Variants in MYH7B observed in about 807,000 individuals in gnomAD.
MYH7B encodes the protein myosin-7B.
A neutral mutation model predicts 234.5 loss-of-function variants in MYH7B; 205 were observed. That is an observed-to-expected ratio of 0.87 (90% CI 0.78 to 0.98). The LOEUF is 0.98. Ranked by LOEUF, MYH7B falls within the 50% of genes least tolerant of loss-of-function variation. The pLI, the probability that MYH7B is intolerant of heterozygous loss-of-function variation, is 0.00. For synonymous variants in MYH7B, 1,193 were observed against 1,105.0 expected (o/e 1.08, Z -1.58); for missense variants, 2,652 against 2,633.4 (o/e 1.01, Z -0.15).
In MYH7B at chr20:35,001,960, A is replaced by AAC; in HGVS notation, c.5692_5693dup (p.Asn1899ProfsTer63). 1.2e-6 allele frequency: 2 copies of AAC among 1,613,346 alleles called. No homozygotes were observed. Among genetic ancestry groups the AAC allele is most frequent in the Non-Finnish European group, 1.7e-6 (2 of 1,179,610 alleles). On this transcript the variant is annotated frameshift_variant, in exon 44 of 45. Transcript: ENST00000262873. LOFTEE classifies it high-confidence loss of function. ...TGTGTGCCCCCAGGAGCAGCAGGCCAACACCAACCTGGCCAAGTATCGCAA... is the reference window on the plus strand; with the variant it reads ...TGTGTGCCCCCAGGAGCAGCAGGCCAACACACCAACCTGGCCAAGTATCGCAA...
intron 4 of MYH7B, 119 bp downstream of exon 4, chr20:34,977,799 T>C: frequency 6.6e-7 from 1 of 1,504,250 alleles, no homozygotes; most frequent in South Asian, 1.2e-5. Flanking sequence ...GCCCTGGTGT[T>C]TGAGGGTGTG....
chr20:34,991,271 G>A (rs1038684241), intron 24 of MYH7B, 150 bp downstream of exon 24: 30 of 602,180 alleles, frequency 5.0e-5, no homozygotes, highest in Non-Finnish European at 8.1e-5. Flanking sequence ...AGCAAGACAT[G>A]GGGGTGGCTC....
In MYH7B at chr20:35,000,578, T is replaced by C. The variant is rs1436739533; in HGVS notation, c.5067T>C (p.Ala1689=). Residue 1689 remains alanine (A), a synonymous_variant, in exon 39 of 45, where the codon GCT becomes GCC. Coordinates refer to ENST00000262873, the Ensembl canonical transcript of MYH7B. ...TGGAGCGCCGGGCCTCGCTGCTGGC[T>C]GCGGAGCTGGAGGAGCTGCGGGCTG... 1.9e-5 allele frequency: 30 copies of C among 1,569,802 alleles called. No homozygotes were observed. The Middle Eastern group carries it at 7.9e-4, about 41-fold the overall frequency.
At chr20:34,976,716 A>G (rs2081858116) in intron 3 of MYH7B, among the ~76,000 whole-genome samples, 3 of 152,188 alleles carry the variant, frequency 2.0e-5, no homozygotes, top group South Asian at 4.1e-4. Context: ...GGTTTTCTTC[A>G]TGTATGATTT....
chr20:34,958,603 T>C (rs950022211), intron 2 of MYH7B, among the ~76,000 whole-genome samples: 2 of 152,114 alleles, frequency 1.3e-5, no homozygotes, highest in South Asian at 2.1e-4. Flanking sequence ...GTAGCTGGGA[T>C]TACAGGCACG....
chr20:34,995,577 A>C, exon 28 of MYH7B: 1 of 1,613,830 alleles, frequency 6.2e-7, no homozygotes, highest in South Asian at 1.1e-5. Context: ...ACTGAGAACA[A>C]GGTGTGGGCC....
intron 2 of MYH7B, among the ~76,000 whole-genome samples, chr20:34,970,218 C>G (rs1307414218): frequency 6.6e-6 from 1 of 152,192 alleles, no homozygotes; most frequent in Non-Finnish European, 1.5e-5. Flanking sequence ...TTACCACGTA[C>G]CAGGCTGAGG....
rs370987120 is a variant in MYH7B at position 34,993,440 on chromosome 20, G to A, written c.2414G>A (p.Arg805His). 1.8e-5 allele frequency: 29 copies of A among 1,609,696 alleles called. No individual in the cohort carries two copies. The highest frequency in any genetic ancestry group is 6.7e-5 in the East Asian group (3 of 44,768). The change falls in exon 26 of 45, where the codon CGC (arginine) becomes CAC (histidine). Residue 805 changes from arginine to histidine, a missense_variant. Arg to His is a conservative substitution (Grantham distance 29). Around this residue, in one of 3 missense-constraint regions of MYH7B, gnomAD observed 2,279 missense variants for 2,211.4 expected, o/e 1.03. Transcript: ENST00000262873. ...GCGCGGAGCCGTGGCCGCCTCATGC[G>A]CCTTGAGTACCAGCGCCTGCTGGGA...
In MYH7B at chr20:34,999,072, C is replaced by T. The variant is rs370495752; in HGVS notation, c.4207C>T (p.Arg1403Trp). The T allele has an allele frequency of 2.5e-5, 41 of 1,609,674 alleles. No homozygotes were observed. The highest frequency in any genetic ancestry group is 2.5e-4 in the African/African-American group (19 of 74,908). Reference sequence around the variant, plus strand: ...ATGGCCTAGAAAAAAGCTGGCACTGCGGCTGCAGGAGGCAGAGGAGGGCGT... The same window carrying T: ...ATGGCCTAGAAAAAAGCTGGCACTGTGGCTGCAGGAGGCAGAGGAGGGCGT... The change falls in exon 36 of 45, where the codon CGG becomes TGG. Residue 1403 changes from arginine (R) to tryptophan (W), a missense_variant. Around this residue, in one of 3 missense-constraint regions of MYH7B, gnomAD observed 2,279 missense variants for 2,211.4 expected, o/e 1.03. Coordinates refer to ENST00000262873, the Ensembl canonical transcript of MYH7B.
chr20:34,975,071 A>C (rs912080492), intron 2 of MYH7B, among the ~76,000 whole-genome samples: 4 of 152,252 alleles, frequency 2.6e-5, no homozygotes, highest in African/African-American at 7.2e-5. Flanking sequence ...GTTAGAAGTC[A>C]GTATTATATT....
chr20:34,964,494 G>A (rs2081725358), intron 2 of MYH7B, among the ~76,000 whole-genome samples: 1 of 152,176 alleles, frequency 6.6e-6, no homozygotes, highest in South Asian at 2.1e-4. Context: ...TCTAGATGTG[G>A]GAGAGGACGG....
chr20:34,955,886 A>T (rs1401536795), exon 1 of MYH7B: 1 of 152,356 alleles, frequency 6.6e-6, no homozygotes, highest in Non-Finnish European at 1.5e-5. Flanking sequence ...CGCTGAGTCG[A>T]GGCCAGGAAG....
intron 35 of MYH7B, 53 bp from the exon 36 acceptor site, chr20:34,999,003 G>T: frequency 6.3e-7 from 1 of 1,582,196 alleles, no homozygotes; most frequent in Non-Finnish European, 8.6e-7. Flanking sequence ...GGAGCTGCTG[G>T]GGCTGTTCTC....
intron 10 of MYH7B, 67 bp downstream of exon 10, chr20:34,982,622 CTT>C (rs541168287): frequency 7.1e-4 from 746 of 1,053,962 alleles, no homozygotes; most frequent in East Asian, 9.6e-4. Flanking sequence ...TTCTTCCTCT[CTT>C]TTTTTTTTTT....
At chr20:34,968,658 TA>T (rs965633103) in intron 2 of MYH7B, among the ~76,000 whole-genome samples, 38 of 152,326 alleles carry the variant, frequency 2.5e-4, no homozygotes, top group African/African-American at 9.1e-4. Flanking sequence ...TGGGCCACAT[TA>T]TCTGGATGGT....
rs765398085 is a variant in MYH7B, at chr20:34,999,908, T to C, written c.4781+2T>C. On this transcript the variant is annotated splice_donor_variant, in intron 38 of 44. Transcript: ENST00000262873. LOFTEE classifies it high-confidence loss of function. ...AGACGAGGAGTGCGCTAACCTGAGG[T>C]GTGTCCATCCTTCTCCCGTCCCCAC... 2 of 1,612,598 alleles carry C rather than the reference T, an allele frequency of 1.2e-6. No individual in the cohort carries two copies. Among genetic ancestry groups the C allele is most frequent in the Non-Finnish European group, 8.5e-7 (1 of 1,179,380 alleles).
chr20:34,987,960 G>T (rs2082061919), intron 18 of MYH7B, 46 bp downstream of exon 18: 1 of 1,561,396 alleles, frequency 6.4e-7, no homozygotes, highest in Admixed American at 1.8e-5. Flanking sequence ...CCAAGGTAGA[G>T]GACATGGGCC....
chr20:34,977,337 T>C (rs116407988), intron 3 of MYH7B, among the ~76,000 whole-genome samples: 48 of 152,066 alleles, frequency 3.2e-4, no homozygotes, highest in African/African-American at 1.1e-3. Flanking sequence ...GTGGGGTATT[T>C]TTCTGGGTGT....
rs1354403398 is a variant in MYH7B, at chr20:34,981,021, C to T, written c.500-12C>T. The stretch of plus-strand genomic sequence containing the variant: ...CTTGGCTGACTTCTCTATCCCCTTC[C>T]CTTTCCTCCAGACCGAGACAACCAG... On this transcript the variant is annotated splice_polypyrimidine_tract_variant and intron_variant, in intron 8 of 44. Coordinates refer to ENST00000262873, the Ensembl canonical transcript of MYH7B. 2 of 1,614,044 alleles carry T rather than the reference C, an allele frequency of 1.2e-6. No individual in the cohort carries two copies. Among genetic ancestry groups the T allele is most frequent in the African/African-American group, 1.3e-5 (1 of 74,930 alleles).
Sources: gnomAD v4.1 joint callset for allele counts (sites outside exome capture counted in the v4.1 genomes callset) on GRCh38, gnomAD v4.1.1 for gene constraint, gnomAD v4.1.1 regional missense constraint, MANE v1.5 for transcripts, NCBI Gene and HGNC (gene_info 2026-07-23, HGNC 2026-07-21) for gene names.